Variants in GPSM2 observed in about 807,000 individuals in gnomAD.
GPSM2 encodes G protein-signaling modulator 2.
GPSM2 carries 58 observed loss-of-function variants against 78.4 expected under a neutral mutation model. That is an observed-to-expected ratio of 0.74 (90% confidence interval 0.60 to 0.92). The LOEUF is 0.92. GPSM2 is among the 40% of genes least tolerant of loss of function. The probability of loss-of-function intolerance (pLI) is 0.00; values close to 1 mark genes in which losing one functional copy is unlikely to be tolerated. For missense variants in GPSM2, 700 were observed against 815.5 expected (o/e 0.86, Z 1.73); for synonymous variants, 224 against 280.2 (o/e 0.80, Z 2.00).
chr1:108,918,267 T>C (rs1183210207), intron 11 of GPSM2, among the ~76,000 whole-genome samples: 1 of 152,196 alleles, frequency 6.6e-6, no homozygotes, highest in East Asian at 1.9e-4. Context: ...ATTCCAGTTG[T>C]AACAGATTTT....
intron 10 of GPSM2, among the ~76,000 whole-genome samples, chr1:108,910,636 G>A (rs563487106): frequency 4.0e-4 from 61 of 152,144 alleles, no homozygotes; most frequent in African/African-American, 1.3e-3. Flanking sequence ...AGGCTGAGGC[G>A]GGCGGATCAT....
At chr1:108,925,968 G>C (rs966781609) in intron 14 of GPSM2, among the ~76,000 whole-genome samples, 1 of 152,006 alleles carries the variant, frequency 6.6e-6, no homozygotes, top group African/African-American at 2.4e-5. Flanking sequence ...AGCAGAGTAC[G>C]GATTTGGAGA....
chr1:108,925,037 T>C (rs1437997262), intron 14 of GPSM2, among the ~76,000 whole-genome samples: 1 of 152,188 alleles, frequency 6.6e-6, no homozygotes, highest in Non-Finnish European at 1.5e-5. Flanking sequence ...AGGGCTACAT[T>C]ATTAGCTATT....
intron 2 of GPSM2, among the ~76,000 whole-genome samples, chr1:108,888,907 G>C (rs1416253402): frequency 2.0e-5 from 3 of 152,182 alleles, no homozygotes; most frequent in African/African-American, 7.2e-5. Context: ...AGATAATTAA[G>C]ATGAGCTTTT....
At chr1:108,893,128 T>C (rs1236918702) in intron 2 of GPSM2, among the ~76,000 whole-genome samples, 1 of 152,234 alleles carries the variant, frequency 6.6e-6, no homozygotes. Flanking sequence ...TGCCACATCA[T>C]TTGGATCAAT....
Position 108,922,533 on chromosome 1 carries a change from T to G in GPSM2, c.1557T>G (p.Ala519=). The stretch of plus-strand genomic sequence containing the variant: ...TACAAGAAAAGAACTGCCATACAGC[T>G]TCAACAACAACTTCTTCCACTCCCC... ...CCLQEKNCHT[A]STTTSSTPPK... Residue 519 remains alanine (A), a synonymous_variant, in exon 13 of 15, where the codon GCT becomes GCG. Transcript: ENST00000264126. 1 of 1,589,848 alleles carries G rather than the reference T, an allele frequency of 6.3e-7. No individual in the cohort carries two copies. The highest frequency in any genetic ancestry group is 1.1e-5 in the South Asian group (1 of 90,664).
intron 2 of GPSM2, among the ~76,000 whole-genome samples, chr1:108,891,297 T>A (rs1490050132): frequency 6.6e-6 from 1 of 152,214 alleles, no homozygotes; most frequent in Non-Finnish European, 1.5e-5. Context: ...TTCTTTAATT[T>A]TGTTAGCTCA....
chr1:108,917,634 AT>A (rs1650359624), intron 11 of GPSM2, among the ~76,000 whole-genome samples: 1 of 19,644 alleles, frequency 5.1e-5, no homozygotes, highest in East Asian at 9.2e-4. Context: ...ATATATATAT[AT>A]ATATATATAT....
At chr1:108,919,552 A>G (rs1233439893) in intron 12 of GPSM2, among the ~76,000 whole-genome samples, 3 of 152,196 alleles carry the variant, frequency 2.0e-5, no homozygotes, top group African/African-American at 2.4e-5. Flanking sequence ...AGCCTGGGCA[A>G]CATGGTGAAA....
rs1652148138 is a variant in GPSM2, at chr1:108,932,392, G to A, written c.*2452G>A. ...TTTTCTGATAACAAACACCCGATGTGTTCAATTTGCTTTCATATTTAAGTC... is the reference window on the plus strand; with the variant it reads ...TTTTCTGATAACAAACACCCGATGTATTCAATTTGCTTTCATATTTAAGTC... On this transcript the variant is annotated 3_prime_UTR_variant, in exon 15 of 15. Transcript: ENST00000264126. The A allele has an allele frequency of 6.6e-6, 1 of 152,160 alleles. No homozygotes were observed. Among genetic ancestry groups the A allele is most frequent in the Admixed American group, 6.6e-5 (1 of 15,266 alleles). The allele number at this position is 152,160 out of a possible 1,614,324, so 9.4% of individuals were successfully genotyped here.
At chr1:108,878,727 G>A (rs1665749510) in intron 1 of GPSM2, among the ~76,000 whole-genome samples, 1 of 152,064 alleles carries the variant, frequency 6.6e-6, no homozygotes, top group Admixed American at 6.6e-5. Flanking sequence ...TATAATAACA[G>A]TTACTGTTAT....
At chr1:108,917,609 CACATATATAT>C (rs1441196425) in intron 11 of GPSM2, among the ~76,000 whole-genome samples, 6 of 90,190 alleles carry the variant, frequency 6.7e-5, no homozygotes, top group East Asian at 9.8e-4. Context: ...CACACACACA[CACATATATAT>C]ATATATATAT....
chr1:108,929,170 T>C (rs1651449948), intron 14 of GPSM2, among the ~76,000 whole-genome samples: 1 of 152,152 alleles, frequency 6.6e-6, no homozygotes, highest in Admixed American at 6.6e-5. Flanking sequence ...GCCATATAGA[T>C]AGTATATAAA....
chr1:108,904,183 T>C lies in GPSM2; in HGVS notation c.1121T>C (p.Val374Ala), dbSNP rs1453943608. The C allele has an allele frequency of 2.5e-6, 4 of 1,598,374 alleles. No homozygotes were observed. The highest frequency in any genetic ancestry group is 3.4e-6 in the Non-Finnish European group (4 of 1,166,298). The part of the protein sequence containing the change: ...ARLNLSDLQM[V>A]LGLSYSTNNS... ...CTTAATCTCTCAGACCTTCAAATGG[T>C]TCTTGGTCTGAGCTACAGCACAAAT... Residue 374 changes from valine (V) to alanine (A), a missense_variant, in exon 10 of 15, where the codon GTT becomes GCT. Transcript: ENST00000264126.
Position 108,892,596 on chromosome 1 carries a change from G to A in GPSM2, c.57-4268G>A, listed in dbSNP as rs150498890. On this transcript the variant is annotated intron_variant, in intron 2 of 14. Transcript: ENST00000264126. ...ATAAAGGAAACTTTGTATGTGGGAT[G>A]AATTTTAATGGAGGGGTATGTTCTT... is the stretch of plus-strand genomic sequence containing the variant. 2.8e-3 allele frequency among the ~76,000 whole-genome samples: 420 copies of A among 152,292 alleles called. 2 individuals are homozygous for A. The Middle Eastern group carries it at 0.034, about 12-fold the overall frequency.
intron 11 of GPSM2, among the ~76,000 whole-genome samples, chr1:108,914,861 T>C (rs1650058521): frequency 6.6e-6 from 1 of 152,220 alleles, no homozygotes; most frequent in Admixed American, 6.5e-5. Flanking sequence ...AAATGAAATT[T>C]ATGATCAAGA....
chr1:108,885,047 A>C (rs1187830510), intron 1 of GPSM2, among the ~76,000 whole-genome samples: 1 of 152,226 alleles, frequency 6.6e-6, no homozygotes, highest in African/African-American at 2.4e-5. Flanking sequence ...ATTACATAAA[A>C]GTATTAAATT....
At chr1:108,907,574 G>A (rs1649340106) in intron 10 of GPSM2, among the ~76,000 whole-genome samples, 1 of 152,122 alleles carries the variant, frequency 6.6e-6, no homozygotes, top group African/African-American at 2.4e-5. Flanking sequence ...AATGACTGTG[G>A]TTGAACGTTT....
chr1:108,918,806 T>C lies in GPSM2; in HGVS notation c.1440+17T>C. ...TCTCAGAGGGTACGTTTAAACTAAGTTTTTGAGTATTGTGTTTTGAGTACC... is the reference window on the plus strand; with the variant it reads ...TCTCAGAGGGTACGTTTAAACTAAGCTTTTGAGTATTGTGTTTTGAGTACC... On this transcript the variant is annotated intron_variant, in intron 12 of 14. Coordinates refer to ENST00000264126, the MANE Select transcript of GPSM2 (RefSeq NM_013296.5). The C allele has an allele frequency of 2.5e-6, 4 of 1,571,040 alleles. No individual in the cohort carries two copies. Among genetic ancestry groups the C allele is most frequent in the Non-Finnish European group, 3.5e-6 (4 of 1,140,760 alleles).
Sources: allele counts gnomAD v4.1 joint callset (sites outside exome capture counted in the v4.1 genomes callset), GRCh38; gene constraint gnomAD v4.1.1; transcripts MANE v1.5; gene names NCBI Gene and HGNC (gene_info 2026-07-23, HGNC 2026-07-21).